Variants in TRIM67 observed in about 807,000 individuals in gnomAD.
TRIM67 encodes tripartite motif containing 67.
In TRIM67, 39 loss-of-function variants were observed where a neutral mutation model predicts 71.0. That is an observed-to-expected ratio of 0.55 (90% confidence interval 0.43 to 0.72). TRIM67 has a LOEUF of 0.72. TRIM67 is among the 30% of genes least tolerant of loss of function. The probability of loss-of-function intolerance (pLI) is 0.00; values close to 1 mark genes in which losing one functional copy is unlikely to be tolerated. For missense variants in TRIM67, 973 were observed against 1,079.2 expected (o/e 0.90, Z 1.38); for synonymous variants, 481 against 473.9 (o/e 1.01, Z -0.19).
chr1:231,208,009 CTT>C (rs796809572), intron 7 of TRIM67, among the ~76,000 whole-genome samples: 6,529 of 131,912 alleles, frequency 0.049, 262 homozygotes, highest in African/African-American at 0.12. Flanking sequence ...TCCTCCTGTA[CTT>C]TTTTTTTTTT....
intron 1 of TRIM67, among the ~76,000 whole-genome samples, chr1:231,185,419 C>T (rs1399104591): frequency 6.6e-6 from 1 of 151,952 alleles, no homozygotes; most frequent in East Asian, 1.9e-4. Context: ...GCTCCCACCA[C>T]GGCGGGACCC....
intron 1 of TRIM67, among the ~76,000 whole-genome samples, chr1:231,167,096 A>G (rs1682488998): frequency 6.6e-6 from 1 of 152,070 alleles, no homozygotes; most frequent in African/African-American, 2.4e-5. Context: ...ACTGGGTAGG[A>G]GTTGATTCCT....
At chr1:231,188,636 C>G (rs540789154) in intron 1 of TRIM67, among the ~76,000 whole-genome samples, 1 of 152,168 alleles carries the variant, frequency 6.6e-6, no homozygotes, top group Non-Finnish European at 1.5e-5. Context: ...TGAGTCCTGG[C>G]CACACTACTT....
intron 1 of TRIM67, among the ~76,000 whole-genome samples, chr1:231,174,886 T>G (rs1310536570): frequency 6.6e-6 from 1 of 152,194 alleles, no homozygotes; most frequent in Non-Finnish European, 1.5e-5. Context: ...AAATAAGTAG[T>G]CTACTTGAAT....
intron 1 of TRIM67, among the ~76,000 whole-genome samples, chr1:231,180,798 G>A (rs1313508254): frequency 1.3e-5 from 2 of 152,312 alleles, no homozygotes; most frequent in African/African-American, 4.8e-5. Context: ...GAATGCGGAG[G>A]CCATGTTTGC....
In TRIM67 at chr1:231,163,066, A is replaced by C; in HGVS notation, c.97A>C (p.Thr33Pro). 1.2e-6 allele frequency: 2 copies of C among 1,603,908 alleles called. No homozygotes were observed. The highest frequency in any genetic ancestry group is 1.7e-5 in the Admixed American group (1 of 58,616). Reference protein sequence around the residue: ...SHNVCLPCARTIAVQTPDGEQ... With the variant: ...SHNVCLPCARPIAVQTPDGEQ... The stretch of plus-strand genomic sequence containing the variant: ...CAATGTCTGCCTGCCTTGCGCTCGC[A>C]CCATCGCGGTGCAGACCCCGGACGG... Residue 33 changes from threonine to proline, a missense_variant, in exon 1 of 10, where the codon ACC becomes CCC. This residue lies in a region of TRIM67 where 795 missense variants were observed against 831.3 expected (regional missense o/e 0.96). Transcript: ENST00000366653.
rs560650838 is a variant in TRIM67 at position 231,190,743 on chromosome 1, G to A, written c.1045-6628G>A. ...CTCAGGGCGGGGGACTGGATCCTGG[G>A]AGCGGACTGGGAGCGGGGAAGCCGG... is the stretch of plus-strand genomic sequence containing the variant. On this transcript the variant is annotated intron_variant, in intron 1 of 9. Transcript: ENST00000366653. Among the ~76,000 whole-genome samples the A allele has an allele frequency of 4.6e-5, 7 of 152,310 alleles. No individual in the cohort carries two copies. In the South Asian group the frequency reaches 1.2e-3, roughly 27 times the overall value.
At chr1:231,195,923 C>A (rs1208699408) in intron 1 of TRIM67, among the ~76,000 whole-genome samples, 2 of 152,236 alleles carry the variant, frequency 1.3e-5, no homozygotes, top group East Asian at 3.9e-4. Flanking sequence ...CACACTTTGA[C>A]AACCGTTGGT....
intron 1 of TRIM67, among the ~76,000 whole-genome samples, chr1:231,169,675 G>A (rs149583199): frequency 5.9e-5 from 9 of 151,846 alleles, no homozygotes; most frequent in South Asian, 2.1e-4. Context: ...CACCACACCC[G>A]CCCGAAGACT....
intron 9 of TRIM67, among the ~76,000 whole-genome samples, chr1:231,215,023 G>C (rs1683976778): frequency 6.6e-6 from 1 of 152,304 alleles, no homozygotes; most frequent in East Asian, 1.9e-4. Flanking sequence ...AATAGGAAAG[G>C]AAAGAAGGTC....
intron 1 of TRIM67, chr1:231,187,748 G>T: frequency 1.7e-6 from 1 of 599,712 alleles, no homozygotes; most frequent in Non-Finnish European, 2.9e-6. Flanking sequence ...GGTAGCCAGA[G>T]GGACAGCGGG....
chr1:231,200,326 C>T, intron 4 of TRIM67, 68 bp downstream of exon 4: 2 of 1,027,684 alleles, frequency 1.9e-6, no homozygotes, highest in South Asian at 1.3e-5. Context: ...CAAATCAGCC[C>T]AAGTTCTAGG....
chr1:231,211,067 AAT>A lies in TRIM67; in HGVS notation c.2123+1826_2123+1827del, dbSNP rs1049636054. On this transcript the variant is annotated intron_variant, in intron 8 of 9. Transcript: ENST00000366653. The stretch of plus-strand genomic sequence containing the variant: ...ATATATATATTTTGTTTGTTTGTTT[AAT>A]ATATATATTAAAAAGCCTGGGCTTA... Among the ~76,000 whole-genome samples, 8 of 147,926 alleles carry A rather than the reference AAT, an allele frequency of 5.4e-5. No homozygotes were observed. In the South Asian group the frequency reaches 1.7e-3, roughly 32 times the overall value.
intron 1 of TRIM67, chr1:231,185,068 G>A: frequency 6.5e-7 from 1 of 1,532,848 alleles, no homozygotes; most frequent in Non-Finnish European, 8.7e-7. Context: ...CTGGTGCCTG[G>A]ACTTCCAGAG....
At chr1:231,187,670 T>A in intron 1 of TRIM67, 2 of 1,105,376 alleles carry the variant, frequency 1.8e-6, no homozygotes, top group Non-Finnish European at 1.3e-6. Flanking sequence ...AAGTGGGGCA[T>A]CAAACTGCAG....
intron 1 of TRIM67, among the ~76,000 whole-genome samples, chr1:231,183,546 T>C (rs1682966707): frequency 6.6e-6 from 1 of 152,116 alleles, no homozygotes; most frequent in Admixed American, 6.5e-5. Context: ...CTCAGGTGTT[T>C]AAGCCTGCAG....
chr1:231,187,218 G>A (rs774950053), intron 1 of TRIM67, among the ~76,000 whole-genome samples: 2 of 152,074 alleles, frequency 1.3e-5, no homozygotes, highest in Admixed American at 6.6e-5. Context: ...GAAGATGCAG[G>A]GAAAAGACCT....
chr1:231,170,264 AT>A (rs1682589924), intron 1 of TRIM67, among the ~76,000 whole-genome samples: 1 of 152,068 alleles, frequency 6.6e-6, no homozygotes, highest in Admixed American at 6.6e-5. Flanking sequence ...GGGATTACAG[AT>A]GTGAGCCACC....
intron 2 of TRIM67, among the ~76,000 whole-genome samples, chr1:231,198,450 G>A (rs527354797): frequency 1.2e-4 from 19 of 152,054 alleles, no homozygotes; most frequent in African/African-American, 1.7e-4. Flanking sequence ...GCAATGGCAC[G>A]ATCTCAGCTC....
Sources: gnomAD v4.1 joint callset for allele counts (sites outside exome capture counted in the v4.1 genomes callset) on GRCh38, gnomAD v4.1.1 for gene constraint, gnomAD v4.1.1 regional missense constraint, MANE v1.5 for transcripts, NCBI Gene and HGNC (gene_info 2026-07-23, HGNC 2026-07-21) for gene names.